Variants in COL11A1 observed in about 807,000 individuals in gnomAD.
COL11A1 encodes collagen alpha-1(XI) chain.
COL11A1 carries 74 observed loss-of-function variants against 265.2 expected under a neutral mutation model. That is an observed-to-expected ratio of 0.28 (90% CI 0.23 to 0.34). The LOEUF is 0.34. Ranked by LOEUF, COL11A1 falls within the 10% of genes least tolerant of loss-of-function variation. The pLI is 1.00. For synonymous variants in COL11A1, 816 were observed against 727.6 expected (o/e 1.12, Z -1.96); for missense variants, 2,165 against 2,263.6 (o/e 0.96, Z 0.88).
intron 46 of COL11A1, among the ~76,000 whole-genome samples, chr1:102,925,474 T>C (rs1374836467): frequency 6.6e-6 from 1 of 152,124 alleles, no homozygotes; most frequent in African/African-American, 2.4e-5. Context: ...AAATCTTAGT[T>C]ACTAATTTGT....
chr1:103,012,314 G>A, intron 14 of COL11A1, 99 bp downstream of exon 14: 1 of 867,934 alleles, frequency 1.2e-6, no homozygotes, highest in South Asian at 1.4e-5. Flanking sequence ...ATACCCTATT[G>A]TCACCAACCA....
At chr1:102,888,236 T>C (rs11164631) in intron 62 of COL11A1, among the ~76,000 whole-genome samples, 4,968 of 152,234 alleles carry the variant, frequency 0.033, 274 homozygotes, top group African/African-American at 0.11. Flanking sequence ...ATGTGAAGCA[T>C]CTGAATTTTT....
rs1570601732 is a variant in COL11A1, at chr1:102,877,929, A to G, written c.*90T>C. The G allele has an allele frequency of 1.5e-6, 2 of 1,357,910 alleles. No individual in the cohort carries two copies. Among genetic ancestry groups the G allele is most frequent in the East Asian group, 4.6e-5 (2 of 43,396 alleles). 84.1% of individuals were successfully genotyped at this position (1,357,910 alleles called of 1,614,324 possible). A position where few individuals can be genotyped will look rare whatever the true frequency, so the allele number is the denominator to read the frequency against. On this transcript the variant is annotated 3_prime_UTR_variant, in exon 67 of 67. Transcript: ENST00000370096. Reference sequence around the variant, plus strand: ...TATATGCAGCGTTGTTTTCTATACCATCCTTATTCAAAACTTGCATGTGGC... The same window carrying G: ...TATATGCAGCGTTGTTTTCTATACCGTCCTTATTCAAAACTTGCATGTGGC...
chr1:102,952,614 G>A (rs963830733), intron 41 of COL11A1, among the ~76,000 whole-genome samples: 1 of 152,032 alleles, frequency 6.6e-6, no homozygotes, highest in African/African-American at 2.4e-5. Flanking sequence ...GAAGACTTTT[G>A]GAATGTATAT....
intron 65 of COL11A1, 103 bp from the exon 66 acceptor site, chr1:102,880,019 T>G: frequency 2.5e-6 from 2 of 805,246 alleles, no homozygotes; most frequent in South Asian, 2.9e-5. Flanking sequence ...CAGAAGCATG[T>G]AGATGAATCA....
rs1222934166 is a variant in COL11A1 at position 103,108,414 on chromosome 1, C to CCT, written c.-238_-237dup. 1.3e-5 allele frequency: 8 copies of CCT among 608,138 alleles called. No homozygotes were observed. The highest frequency in any genetic ancestry group is 2.9e-5 in the Admixed American group (1 of 34,652). 37.7% of individuals were successfully genotyped at this position (608,138 alleles called of 1,614,324 possible). A position where few individuals can be genotyped will look rare whatever the true frequency, so the allele number is the denominator to read the frequency against. ...CCGGCCGGGACCCTCCGGCCGCGAC[C>CCT]CTCTGATCCTTCCTCTGCCGGGCCC... On this transcript the variant is annotated 5_prime_UTR_variant, in exon 1 of 67. Transcript: ENST00000370096.
chr1:103,050,535 C>T (rs1180147239), intron 4 of COL11A1, among the ~76,000 whole-genome samples: 3 of 152,022 alleles, frequency 2.0e-5, no homozygotes, highest in African/African-American at 7.3e-5. Flanking sequence ...ACTTCTTTGC[C>T]ATTGGTTCGA....
At chr1:103,003,372 A>C in intron 20 of COL11A1, 104 bp from the exon 21 acceptor site, 1 of 1,238,518 alleles carries the variant, frequency 8.1e-7, no homozygotes, top group Admixed American at 2.1e-5. Context: ...GAATAAAAAT[A>C]TTTGGACATC....
intron 36 of COL11A1, among the ~76,000 whole-genome samples, chr1:102,971,026 C>CAAAA (rs1553221972): frequency 1.3e-4 from 19 of 150,594 alleles, no homozygotes; most frequent in Non-Finnish European, 2.2e-4. Context: ...ACAAAACAAA[C>CAAAA]AAAAAAAAAC....
intron 1 of COL11A1, among the ~76,000 whole-genome samples, chr1:103,096,913 T>A (rs1673820732): frequency 6.6e-6 from 1 of 152,064 alleles, no homozygotes; most frequent in East Asian, 1.9e-4. Context: ...ATAGCAGATT[T>A]TATTTTAACA....
chr1:102,979,226 G>T, intron 32 of COL11A1, 122 bp from the exon 33 acceptor site: 2 of 1,266,158 alleles, frequency 1.6e-6, no homozygotes, highest in Non-Finnish European at 2.3e-6. Context: ...TTCATTTAGA[G>T]ACAGACTTGC....
intron 30 of COL11A1, among the ~76,000 whole-genome samples, chr1:102,984,632 A>G (rs1490275774): frequency 6.6e-6 from 1 of 152,080 alleles, no homozygotes; most frequent in African/African-American, 2.4e-5. Flanking sequence ...CATTTACCCC[A>G]GTCTAAATAT....
Position 102,915,780 on chromosome 1 carries a change from AT to A in COL11A1, c.3763-97del, listed in dbSNP as rs1273089147. The A allele has an allele frequency of 4.2e-5, 40 of 962,288 alleles. No individual in the cohort carries two copies. The East Asian group carries it at 6.1e-4, about 15-fold the overall frequency. The allele number at this position is 962,288 out of a possible 1,614,324, so 59.6% of individuals were successfully genotyped here. On this transcript the variant is annotated intron_variant, in intron 49 of 66. Coordinates refer to ENST00000370096, the MANE Select transcript of COL11A1 (RefSeq NM_001854.4). Reference sequence around the variant, plus strand: ...ATCATATCATTTTAGATTAGCCCTTATTTTTTTATATTATTTAAAAGGCATT... The same window carrying A: ...ATCATATCATTTTAGATTAGCCCTTATTTTTTATATTATTTAAAAGGCATT...
At chr1:102,960,799 T>C (rs921929953) in intron 41 of COL11A1, among the ~76,000 whole-genome samples, 4 of 151,146 alleles carry the variant, frequency 2.6e-5, no homozygotes, top group Non-Finnish European at 5.9e-5. Context: ...ACTTGCTGGC[T>C]AGGATAAGGA....
At chr1:102,905,231 G>A (rs1334569316) in intron 54 of COL11A1, among the ~76,000 whole-genome samples, 1 of 107,290 alleles carries the variant, frequency 9.3e-6, no homozygotes, top group South Asian at 4.2e-4. Flanking sequence ...TGTGGGGTGG[G>A]GGGAGGGGGG....
chr1:103,031,040 G>C, intron 5 of COL11A1, 76 bp downstream of exon 5: 1 of 1,497,920 alleles, frequency 6.7e-7, no homozygotes, highest in Non-Finnish European at 9.3e-7. Flanking sequence ...GAATAAATAA[G>C]TATAAGTTCA....
rs775172928 is a variant in COL11A1 at position 102,896,325 on chromosome 1, A to G, written c.4302+1800T>C. Among the ~76,000 whole-genome samples, 13 of 150,440 alleles carry G rather than the reference A, an allele frequency of 8.6e-5. No homozygotes were observed. In the East Asian group the frequency reaches 9.7e-4, roughly 11 times the overall value. On this transcript the variant is annotated intron_variant, in intron 57 of 66. Transcript: ENST00000370096. ...TCGATAACCTTAACTAGTAACCATAATAAGTTACTTCTCATTCTGATTTAA... is the reference window on the plus strand; with the variant it reads ...TCGATAACCTTAACTAGTAACCATAGTAAGTTACTTCTCATTCTGATTTAA...
chr1:102,960,651 A>G (rs1183669831), intron 41 of COL11A1, among the ~76,000 whole-genome samples: 2 of 152,128 alleles, frequency 1.3e-5, no homozygotes, highest in Non-Finnish European at 1.5e-5. Context: ...GGTGTACAGT[A>G]TACTCTTCTC....
At chr1:103,039,591 C>T (rs1018707351) in intron 4 of COL11A1, among the ~76,000 whole-genome samples, 3 of 151,248 alleles carry the variant, frequency 2.0e-5, no homozygotes, top group Admixed American at 6.6e-5. Flanking sequence ...CAAGAACGCT[C>T]GGACAGAAGA....
Sources: allele counts gnomAD v4.1 joint callset (sites outside exome capture counted in the v4.1 genomes callset), GRCh38; gene constraint gnomAD v4.1.1; transcripts MANE v1.5; gene names NCBI Gene and HGNC (gene_info 2026-07-23, HGNC 2026-07-21).